Variants in GALNT13 observed in about 807,000 individuals in gnomAD.
The protein encoded by GALNT13 is polypeptide N-acetylgalactosaminyltransferase 13.
In GALNT13, 28 loss-of-function variants were observed where a neutral mutation model predicts 64.2. The observed-to-expected ratio is 0.44, with a 90% CI of 0.32 to 0.60. GALNT13 has a LOEUF of 0.60. GALNT13 is among the 20% of genes least tolerant of loss of function. The pLI is 0.05. For missense variants in GALNT13, 577 were observed against 669.8 expected, an observed-to-expected ratio of 0.86 and a Z score of 1.53; for synonymous variants, 214 against 224.6, an observed-to-expected ratio of 0.95 and a Z score of 0.42.
chr2:154,164,874 T>A (rs1317279739), intron 4 of GALNT13, among the ~76,000 whole-genome samples: 2 of 152,126 alleles, frequency 1.3e-5, no homozygotes, highest in African/African-American at 4.8e-5. Context: ...TTATAATAAG[T>A]CTTAAGTTTA....
intron 3 of GALNT13, among the ~76,000 whole-genome samples, chr2:154,132,663 G>T (rs1682685358): frequency 6.6e-6 from 1 of 151,846 alleles, no homozygotes; most frequent in Non-Finnish European, 1.5e-5. Context: ...AGGCAGGTGG[G>T]TCACCTGAGG....
At chr2:153,863,710 G>A in the GALNT13 span, among the ~76,000 whole-genome samples, 6 of 152,050 alleles carry the variant, frequency 3.9e-5, no homozygotes, top group Admixed American at 6.6e-5. Context: ...ATCGAAACAT[G>A]CTTGACATAA....
chr2:154,146,523 C>T (rs1363450473), intron 4 of GALNT13, among the ~76,000 whole-genome samples: 1 of 151,926 alleles, frequency 6.6e-6, no homozygotes, highest in East Asian at 1.9e-4. Context: ...GTATAAAGGA[C>T]ATCAGAATAT....
intron 8 of GALNT13, among the ~76,000 whole-genome samples, chr2:154,283,298 C>T (rs1692066498): frequency 6.6e-6 from 1 of 151,932 alleles, no homozygotes; most frequent in African/African-American, 2.4e-5. Flanking sequence ...CAAGTTTTCC[C>T]TTTACCAAAA....
intron 3 of GALNT13, among the ~76,000 whole-genome samples, chr2:154,081,955 G>A (rs1701292968): frequency 6.6e-6 from 1 of 151,600 alleles, no homozygotes; most frequent in Admixed American, 6.6e-5. Flanking sequence ...TTGTGAATAT[G>A]ACAAATTTCT....
chr2:153,957,564 T>G (rs1692652179), intron 3 of GALNT13, among the ~76,000 whole-genome samples: 1 of 152,146 alleles, frequency 6.6e-6, no homozygotes, highest in Non-Finnish European at 1.5e-5. Flanking sequence ...CAGGGACAGT[T>G]AGGACATGCT....
intron 3 of GALNT13, among the ~76,000 whole-genome samples, chr2:154,137,139 T>A (rs906833326): frequency 7.0e-6 from 1 of 143,480 alleles, no homozygotes; most frequent in Non-Finnish European, 1.5e-5. Context: ...ATTTGTTATT[T>A]ATGCTATTTG....
intron 4 of GALNT13, among the ~76,000 whole-genome samples, chr2:154,184,305 A>G (rs6760676): frequency 0.8 from 121,974 of 151,952 alleles, 49,775 homozygotes; most frequent in East Asian, 0.98. Flanking sequence ...GTACTTAAGA[A>G]TAAAATGAGT....
At chr2:153,669,338 C>T in the GALNT13 span, among the ~76,000 whole-genome samples, 1 of 152,190 alleles carries the variant, frequency 6.6e-6, no homozygotes, top group Non-Finnish European at 1.5e-5. Context: ...GTGCACCCCA[C>T]CATGCCATTG....
chr2:154,010,233 T>A (rs1696538580), intron 3 of GALNT13, among the ~76,000 whole-genome samples: 1 of 152,200 alleles, frequency 6.6e-6, no homozygotes, highest in African/African-American at 2.4e-5. Context: ...GGTTTTCTCA[T>A]AGATGGCTCT....
the GALNT13 span, among the ~76,000 whole-genome samples, chr2:153,491,796 T>C: frequency 8.6e-5 from 13 of 151,888 alleles, no homozygotes; most frequent in Non-Finnish European, 1.5e-4. Flanking sequence ...AATTTTTGTA[T>C]TTTCAGTAGA....
the GALNT13 span, among the ~76,000 whole-genome samples, chr2:153,105,931 TC>T: frequency 6.6e-6 from 1 of 152,160 alleles, no homozygotes; most frequent in African/African-American, 2.4e-5. Flanking sequence ...TTTTATTGAA[TC>T]ATTTTTGAAT....
At chr2:153,899,748 G>T (rs965581895) in intron 1 of GALNT13, among the ~76,000 whole-genome samples, 1 of 151,876 alleles carries the variant, frequency 6.6e-6, no homozygotes, top group Non-Finnish European at 1.5e-5. Context: ...TGCTATTTCT[G>T]CTTAGTACCA....
At chr2:154,300,481 A>T (rs553557722) in intron 8 of GALNT13, among the ~76,000 whole-genome samples, 1 of 152,290 alleles carries the variant, frequency 6.6e-6, no homozygotes, top group Non-Finnish European at 1.5e-5. Flanking sequence ...AAACAATGTT[A>T]GTTACAGTAT....
chr2:154,064,121 C>G (rs991954189), intron 3 of GALNT13, among the ~76,000 whole-genome samples: 8 of 152,142 alleles, frequency 5.3e-5, no homozygotes, highest in African/African-American at 1.9e-4. Context: ...CCCAGCACTT[C>G]CCTGTCACAA....
chr2:153,373,675 ATC>A, the GALNT13 span, among the ~76,000 whole-genome samples: 52 of 152,304 alleles, frequency 3.4e-4, 1 homozygote, highest in South Asian at 9.7e-3. Flanking sequence ...ACCACCATTC[ATC>A]TTCAGAATAT....
the GALNT13 span, among the ~76,000 whole-genome samples, chr2:153,262,106 C>G: frequency 6.6e-6 from 1 of 152,106 alleles, no homozygotes; most frequent in African/African-American, 2.4e-5. Flanking sequence ...CTTTACTGTT[C>G]TCTCTTCTTT....
intron 4 of GALNT13, among the ~76,000 whole-genome samples, chr2:154,228,856 A>G (rs1199174641): frequency 6.6e-6 from 1 of 151,984 alleles, no homozygotes; most frequent in East Asian, 1.9e-4. Context: ...TTTCCTGAGG[A>G]AGGAATTTAG....
the GALNT13 span, among the ~76,000 whole-genome samples, chr2:153,083,868 A>G: frequency 6.6e-6 from 1 of 152,176 alleles, no homozygotes; most frequent in East Asian, 1.9e-4. Context: ...TTATGTTTTC[A>G]GGTCTTAGAT....
Sources: gnomAD v4.1 joint callset for allele counts (sites outside exome capture counted in the v4.1 genomes callset) on GRCh38, gnomAD v4.1.1 for gene constraint, MANE v1.5 for transcripts, NCBI Gene and HGNC (gene_info 2026-07-23, HGNC 2026-07-21) for gene names.